LRRC28: variants seen among roughly 807,000 people sequenced by gnomAD.
LRRC28 encodes the protein leucine rich repeat containing 28.
LRRC28 carries 39 observed loss-of-function variants against 45.7 expected under a neutral mutation model. That is an observed-to-expected ratio of 0.85 (90% CI 0.66 to 1.12). The LOEUF (loss-of-function observed/expected upper bound fraction) is 1.12. Among genes scored for constraint, LRRC28 ranks in the 50% most tolerant of loss-of-function variants. The pLI, the probability that LRRC28 is intolerant of heterozygous loss-of-function variation, is 0.00. For synonymous variants in LRRC28, 206 were observed against 178.8 expected (o/e 1.15, Z -1.22); for missense variants, 435 against 438.5 (o/e 0.99, Z 0.07).
chr15:99,377,322 T>C (rs369667523), intron 9 of LRRC28, among the ~76,000 whole-genome samples: 1,520 of 149,860 alleles, frequency 0.01, 34 homozygotes, highest in African/African-American at 0.036. Context: ...TTTCATGTGT[T>C]TTTTGGCTGC....
intron 5 of LRRC28, among the ~76,000 whole-genome samples, chr15:99,290,416 T>C (rs1390558909): frequency 1.3e-5 from 2 of 152,208 alleles, no homozygotes; most frequent in Admixed American, 6.5e-5. Flanking sequence ...TTTCCTTTAT[T>C]GTATATCATC....
At chr15:99,327,687 CT>C (rs975366514) in intron 5 of LRRC28, among the ~76,000 whole-genome samples, 2 of 151,736 alleles carry the variant, frequency 1.3e-5, no homozygotes, top group Non-Finnish European at 2.9e-5. Context: ...TTTTCATTGA[CT>C]TTTTTTTCTG....
At chr15:99,257,328 A>G (rs1346984064) in intron 2 of LRRC28, among the ~76,000 whole-genome samples, 3 of 152,212 alleles carry the variant, frequency 2.0e-5, no homozygotes, top group Non-Finnish European at 1.5e-5. Context: ...CTATGAAACC[A>G]TATTAGTACT....
intron 9 of LRRC28, among the ~76,000 whole-genome samples, chr15:99,370,447 G>T (rs1462585994): frequency 1.3e-5 from 2 of 152,096 alleles, no homozygotes; most frequent in Admixed American, 6.5e-5. Flanking sequence ...AAGTCCAGAA[G>T]GATGGAGCTC....
chr15:99,265,854 C>A (rs1437416848), intron 2 of LRRC28, among the ~76,000 whole-genome samples: 1 of 152,164 alleles, frequency 6.6e-6, no homozygotes, highest in Non-Finnish European at 1.5e-5. Flanking sequence ...AAATCTCAAC[C>A]TGGAAGCAAA....
At chr15:99,364,138 A>G (rs974903797) in intron 9 of LRRC28, among the ~76,000 whole-genome samples, 10 of 152,290 alleles carry the variant, frequency 6.6e-5, no homozygotes, top group Admixed American at 5.2e-4. Context: ...GATAGGCAAT[A>G]TGGGGCAGTG....
At chr15:99,324,356 A>G (rs1037400029) in intron 5 of LRRC28, among the ~76,000 whole-genome samples, 2 of 152,212 alleles carry the variant, frequency 1.3e-5, no homozygotes, top group African/African-American at 4.8e-5. Context: ...AACCTCAGAA[A>G]GCTAAACCGC....
intron 5 of LRRC28, among the ~76,000 whole-genome samples, chr15:99,297,952 C>A (rs1373412469): frequency 6.6e-6 from 1 of 151,106 alleles, no homozygotes; most frequent in Non-Finnish European, 1.5e-5. Flanking sequence ...GTGACAAATA[C>A]ATACAGAAAA....
chr15:99,386,431 C>G lies in LRRC28; in HGVS notation c.*329C>G. The G allele has an allele frequency of 4.2e-6, 1 of 235,556 alleles. No individual in the cohort carries two copies. The highest frequency in any genetic ancestry group is 8.2e-6 in the Non-Finnish European group (1 of 121,250). 14.6% of individuals were successfully genotyped at this position (235,556 alleles called of 1,614,324 possible). A position where few individuals can be genotyped will look rare whatever the true frequency, so the allele number is the denominator to read the frequency against. On this transcript the variant is annotated 3_prime_UTR_variant, in exon 10 of 10. Coordinates refer to ENST00000301981, the MANE Select transcript of LRRC28 (RefSeq NM_144598.5). ...GAGAACAGTGACTTGATCATCTAGCCAGATTCCCTTTTGAACACACATACC... is the reference window on the plus strand; with the variant it reads ...GAGAACAGTGACTTGATCATCTAGCGAGATTCCCTTTTGAACACACATACC...
chr15:99,257,838 AG>A, intron 2 of LRRC28: 1 of 777,884 alleles, frequency 1.3e-6, no homozygotes. Context: ...AAGAGAACTT[AG>A]AGAGAAGTTG....
chr15:99,272,193 C>T (rs547220579), intron 2 of LRRC28, among the ~76,000 whole-genome samples: 69 of 152,180 alleles, frequency 4.5e-4, no homozygotes, highest in Non-Finnish European at 7.6e-4. Context: ...GCAGGTTTTG[C>T]CAAACCCTGA....
chr15:99,361,348 C>CA lies in LRRC28; in HGVS notation c.709dup (p.Ile237AsnfsTer23), dbSNP rs1337073166. The CA allele has an allele frequency of 6.2e-7, 1 of 1,612,490 alleles. No individual in the cohort carries two copies. Among genetic ancestry groups the CA allele is most frequent in the Non-Finnish European group, 8.5e-7 (1 of 1,179,476 alleles). On this transcript the variant is annotated frameshift_variant, in exon 8 of 10. Transcript: ENST00000301981. LOFTEE classifies it high-confidence loss of function. ...TGTCTTTCTGCAGCTGTGGTGCTCC[C>CA]ATTCAAGTTTCCGAGGTGAAGCTGC...
chr15:99,297,074 C>T (rs1166043289), intron 5 of LRRC28, among the ~76,000 whole-genome samples: 20 of 150,742 alleles, frequency 1.3e-4, no homozygotes, highest in East Asian at 2.0e-4. Context: ...CCAGCTATTC[C>T]GGAGGCTGAG....
At chr15:99,346,612 G>A (rs936988538) in intron 6 of LRRC28, among the ~76,000 whole-genome samples, 6 of 151,704 alleles carry the variant, frequency 4.0e-5, no homozygotes, top group Non-Finnish European at 8.8e-5. Context: ...ATTTTTTTAG[G>A]GCATTAAAGT....
intron 5 of LRRC28, among the ~76,000 whole-genome samples, chr15:99,313,667 ATTTC>A (rs2058964808): frequency 6.6e-6 from 1 of 152,076 alleles, no homozygotes; most frequent in African/African-American, 2.4e-5. Flanking sequence ...TAATTTTCTC[ATTTC>A]TTATTTATCT....
chr15:99,252,188 A>G (rs1027012772), intron 1 of LRRC28, among the ~76,000 whole-genome samples: 2 of 152,256 alleles, frequency 1.3e-5, no homozygotes, highest in African/African-American at 2.4e-5. Flanking sequence ...TAGTATAACT[A>G]TACAAGAGGT....
intron 2 of LRRC28, among the ~76,000 whole-genome samples, chr15:99,261,462 C>T (rs1046099658): frequency 1.3e-5 from 2 of 152,092 alleles, no homozygotes; most frequent in African/African-American, 4.8e-5. Context: ...GATTCGGTGT[C>T]TGGTGAGGTC....
intron 9 of LRRC28, among the ~76,000 whole-genome samples, chr15:99,377,308 A>G (rs1957669283): frequency 2.0e-5 from 3 of 151,780 alleles, no homozygotes; most frequent in Non-Finnish European, 1.5e-5. Flanking sequence ...GATGATGAGC[A>G]TTTTTTCATG....
intron 5 of LRRC28, among the ~76,000 whole-genome samples, chr15:99,295,900 C>T (rs2082249397): frequency 6.6e-6 from 1 of 152,134 alleles, no homozygotes; most frequent in African/African-American, 2.4e-5. Flanking sequence ...TACTTTTTCT[C>T]CAGTTGAACC....
Sources: gnomAD v4.1 joint callset for allele counts (sites outside exome capture counted in the v4.1 genomes callset) on GRCh38, gnomAD v4.1.1 for gene constraint, MANE v1.5 for transcripts, NCBI Gene and HGNC (gene_info 2026-07-23, HGNC 2026-07-21) for gene names.